ZBTB20: variants seen among roughly 807,000 people sequenced by gnomAD.
ZBTB20 encodes zinc finger and BTB domain containing 20.
Under a neutral mutation model 56.9 loss-of-function variants are expected in ZBTB20, and 9 were observed. The observed-to-expected ratio is 0.16, with a 90% CI of 0.10 to 0.28. The LOEUF is 0.28. Among genes scored for constraint, ZBTB20 ranks in the 10% least tolerant of loss-of-function variants. ZBTB20 has a pLI of 1.00. For missense variants in ZBTB20, 655 were observed against 1,003.0 expected (o/e 0.65, Z 4.69); for synonymous variants, 417 against 420.7 (o/e 0.99, Z 0.11).
chr3:114,989,645 A>T (rs2078710971), intron 2 of ZBTB20, among the ~76,000 whole-genome samples: 1 of 152,174 alleles, frequency 6.6e-6, no homozygotes, highest in African/African-American at 2.4e-5. Context: ...GAAGAAAGTC[A>T]TTGGTAACTT....
At position 114,720,576 on chromosome 3, in the gene ZBTB20, G is replaced by C. The variant is rs1016598249; in HGVS notation, c.-342-27001C>G. 4.6e-5 allele frequency among the ~76,000 whole-genome samples: 7 copies of C among 152,090 alleles called. No individual in the cohort carries two copies. In the South Asian group the frequency reaches 1.0e-3, roughly 23 times the overall value. On this transcript the variant is annotated intron_variant, in intron 5 of 11. Transcript: ENST00000675478. The stretch of plus-strand genomic sequence containing the variant: ...AAAGGCATTATAAGAGTGATTTTTG[G>C]AGAGGATTAAGGAGGGAGACATCAA...
intron 4 of ZBTB20, among the ~76,000 whole-genome samples, chr3:114,885,006 A>C (rs1576224146): frequency 1.3e-5 from 2 of 152,232 alleles, no homozygotes; most frequent in Non-Finnish European, 2.9e-5. Flanking sequence ...CAGAAATAAC[A>C]AAATTTCAGG....
At chr3:114,391,199 T>C (rs2085843456) in intron 7 of ZBTB20, among the ~76,000 whole-genome samples, 1 of 152,210 alleles carries the variant, frequency 6.6e-6, no homozygotes, top group Admixed American at 6.5e-5. Context: ...AACATTACAT[T>C]AATTTTTCTA....
At chr3:114,430,615 T>C (rs1409806116) in intron 7 of ZBTB20, among the ~76,000 whole-genome samples, 6 of 152,206 alleles carry the variant, frequency 3.9e-5, no homozygotes, top group African/African-American at 7.2e-5. Flanking sequence ...CCATAGAATA[T>C]TGATGTAGAA....
chr3:114,351,792 C>G lies in ZBTB20; in HGVS notation c.286G>C (p.Glu96Gln). ...FSNSVLETLNEQRNRGHFCDV... is the reference protein window; with the variant it reads ...FSNSVLETLNQQRNRGHFCDV... Reference sequence around the variant, plus strand: ...CAGAAGTGGCCACGGTTGCGCTGCTCGTTGAGGGTCTCGAGCACGGAATTG... The same window carrying G: ...CAGAAGTGGCCACGGTTGCGCTGCTGGTTGAGGGTCTCGAGCACGGAATTG... The change falls in exon 11 of 12, where the codon GAG becomes CAG. Residue 96 changes from glutamate (E) to glutamine (Q), a missense_variant. Glu to Gln is a conservative substitution (Grantham distance 29). Coordinates refer to ENST00000675478, the MANE Select transcript of ZBTB20 (RefSeq NM_001348800.3). The G allele has an allele frequency of 6.2e-7, 1 of 1,608,940 alleles. No homozygotes were observed. The highest frequency in any genetic ancestry group is 8.5e-7 in the Non-Finnish European group (1 of 1,175,594).
intron 2 of ZBTB20, among the ~76,000 whole-genome samples, chr3:115,011,499 G>A (rs2079707841): frequency 6.6e-6 from 1 of 151,718 alleles, no homozygotes; most frequent in African/African-American, 2.4e-5. Flanking sequence ...GAGAGTGGCA[G>A]GTAATATTTA....
chr3:115,093,800 T>A (rs2083284223), intron 1 of ZBTB20, among the ~76,000 whole-genome samples: 2 of 152,164 alleles, frequency 1.3e-5, no homozygotes, highest in African/African-American at 4.8e-5. Flanking sequence ...AAATGTGAGA[T>A]GTTTTGACTT....
chr3:114,746,339 C>G (rs1263926653), intron 5 of ZBTB20, among the ~76,000 whole-genome samples: 1 of 151,902 alleles, frequency 6.6e-6, no homozygotes, highest in Non-Finnish European at 1.5e-5. Context: ...CCCCATTCCC[C>G]TTTTTCTACT....
At chr3:114,419,818 G>C (rs2088968289) in intron 7 of ZBTB20, among the ~76,000 whole-genome samples, 1 of 152,120 alleles carries the variant, frequency 6.6e-6, no homozygotes, top group Admixed American at 6.6e-5. Flanking sequence ...GAGTGCACCA[G>C]GGCAATGGCC....
chr3:115,081,955 A>ATCTATAC (rs2082812009), intron 1 of ZBTB20, among the ~76,000 whole-genome samples: 1 of 152,206 alleles, frequency 6.6e-6, no homozygotes, highest in African/African-American at 2.4e-5. Context: ...TGGAACGTAT[A>ATCTATAC]GATAGCATCT....
chr3:114,575,985 A>G (rs927718502), intron 6 of ZBTB20, among the ~76,000 whole-genome samples: 1 of 152,222 alleles, frequency 6.6e-6, no homozygotes, highest in East Asian at 1.9e-4. Context: ...TACAAGGTTT[A>G]AACAAAATGG....
chr3:114,782,454 T>C (rs1003850658), intron 5 of ZBTB20, among the ~76,000 whole-genome samples: 7 of 152,210 alleles, frequency 4.6e-5, no homozygotes, highest in Admixed American at 2.6e-4. Context: ...GGATCTCTGA[T>C]CTCTGTGCTG....
intron 2 of ZBTB20, among the ~76,000 whole-genome samples, chr3:115,060,917 A>C (rs1217945881): frequency 6.6e-6 from 1 of 152,150 alleles, no homozygotes; most frequent in Non-Finnish European, 1.5e-5. Context: ...AGAATTTTGC[A>C]GGAGATAAAG....
At chr3:114,993,802 T>C (rs1560472440) in intron 2 of ZBTB20, among the ~76,000 whole-genome samples, 1 of 151,850 alleles carries the variant, frequency 6.6e-6, no homozygotes, top group Non-Finnish European at 1.5e-5. Flanking sequence ...ATATATTAGA[T>C]TTTTTAAATA....
At chr3:114,562,349 G>C (rs531409786) in intron 6 of ZBTB20, among the ~76,000 whole-genome samples, 2 of 152,144 alleles carry the variant, frequency 1.3e-5, no homozygotes, top group African/African-American at 4.8e-5. Context: ...ATTTTTAGTA[G>C]AGACGGGGTT....
chr3:114,452,340 A>C (rs921300787), intron 7 of ZBTB20, among the ~76,000 whole-genome samples: 5 of 152,212 alleles, frequency 3.3e-5, no homozygotes, highest in African/African-American at 1.2e-4. Context: ...TCTGAAAGCA[A>C]TTCAAGAATA....
chr3:114,914,238 T>C (rs1434672855), intron 3 of ZBTB20, among the ~76,000 whole-genome samples: 1 of 151,992 alleles, frequency 6.6e-6, no homozygotes, highest in African/African-American at 2.4e-5. Context: ...TTTTTGTGTG[T>C]CCCTTTCAAT....
chr3:115,015,891 C>T (rs1173376875), intron 2 of ZBTB20, among the ~76,000 whole-genome samples: 2 of 151,852 alleles, frequency 1.3e-5, no homozygotes, highest in East Asian at 3.9e-4. Context: ...TGAAGAATCT[C>T]CACACTGTCT....
At chr3:114,854,456 T>C (rs142294698) in intron 4 of ZBTB20, among the ~76,000 whole-genome samples, 2 of 152,312 alleles carry the variant, frequency 1.3e-5, no homozygotes, top group East Asian at 3.9e-4. Context: ...AAAAACACTT[T>C]CTGTTTTCCC....
Sources: gnomAD v4.1 joint callset for allele counts (sites outside exome capture counted in the v4.1 genomes callset) on GRCh38, gnomAD v4.1.1 for gene constraint, MANE v1.5 for transcripts, NCBI Gene and HGNC (gene_info 2026-07-23, HGNC 2026-07-21) for gene names.